TOP6BL: variants seen among roughly 807,000 people sequenced by gnomAD.
The protein encoded by TOP6BL is TOP6B like initiator of meiotic double strand breaks.
chr11:66,774,834 CT>C, the TOP6BL span, among the ~76,000 whole-genome samples: 1 of 151,130 alleles, frequency 6.6e-6, no homozygotes, highest in Admixed American at 6.6e-5. Context: ...AAGTTCCAGG[CT>C]GGACATGGTG....
At chr11:66,756,289 A>C in the TOP6BL span, 6 of 1,123,430 alleles carry the variant, frequency 5.3e-6, no homozygotes, top group Non-Finnish European at 6.6e-6. Flanking sequence ...TGGACTATGA[A>C]ACATACTGTT....
At chr11:66,809,320 G>A in the TOP6BL span, among the ~76,000 whole-genome samples, 30 of 152,266 alleles carry the variant, frequency 2.0e-4, no homozygotes, top group Admixed American at 3.3e-4. Context: ...CCAACAGAAG[G>A]TGTTAGACTA....
chr11:66,801,555 G>A, the TOP6BL span, among the ~76,000 whole-genome samples: 1 of 152,146 alleles, frequency 6.6e-6, no homozygotes, highest in Non-Finnish European at 1.5e-5. Context: ...AGTAAATCTG[G>A]CCAGGCGCAG....
the TOP6BL span, chr11:66,795,927 A>G: frequency 6.0e-6 from 1 of 167,662 alleles, no homozygotes; most frequent in African/African-American, 2.4e-5. Context: ...CATAACTCAG[A>G]TTCTTAATAC....
the TOP6BL span, among the ~76,000 whole-genome samples, chr11:66,822,365 T>C: frequency 6.6e-6 from 1 of 152,194 alleles, no homozygotes; most frequent in East Asian, 1.9e-4. Flanking sequence ...CTCTGTGAAA[T>C]GCAAGAACAT....
chr11:66,790,398 A>G, the TOP6BL span, among the ~76,000 whole-genome samples: 1 of 152,206 alleles, frequency 6.6e-6, no homozygotes, highest in Non-Finnish European at 1.5e-5. Flanking sequence ...CCTGAATGCT[A>G]TGTTAGCATG....
At chr11:66,761,625 C>T in the TOP6BL span, 1 of 1,212,530 alleles carries the variant, frequency 8.2e-7, no homozygotes, top group Non-Finnish European at 1.1e-6. Flanking sequence ...GTAATGTACG[C>T]CTGGTGCTCC....
chr11:66,752,133 CCT>C, the TOP6BL span, among the ~76,000 whole-genome samples: 2 of 150,858 alleles, frequency 1.3e-5, no homozygotes, highest in South Asian at 2.1e-4. Flanking sequence ...TTCCTGAATC[CCT>C]CTCTCTCTTT....
At chr11:66,757,007 G>A in the TOP6BL span, among the ~76,000 whole-genome samples, 4 of 150,008 alleles carry the variant, frequency 2.7e-5, no homozygotes, top group Non-Finnish European at 4.4e-5. Flanking sequence ...CACCATGCCT[G>A]GCCATAAGAT....
At chr11:66,756,091 G>GT in the TOP6BL span, among the ~76,000 whole-genome samples, 1 of 152,134 alleles carries the variant, frequency 6.6e-6, no homozygotes, top group African/African-American at 2.4e-5. Context: ...GAGATAATTA[G>GT]TTTTTTCCAT....
chr11:66,796,357 A>T, the TOP6BL span: 3 of 1,606,154 alleles, frequency 1.9e-6, no homozygotes, highest in Non-Finnish European at 2.6e-6. Flanking sequence ...ATCATGGTGC[A>T]CCCTAAGGTA....
chr11:66,816,247 A>G, the TOP6BL span: 2 of 1,554,378 alleles, frequency 1.3e-6, no homozygotes, highest in Non-Finnish European at 1.7e-6. Context: ...CCAAATGCTA[A>G]GAGAGAGGGA....
the TOP6BL span, among the ~76,000 whole-genome samples, chr11:66,776,886 C>CA: frequency 6.6e-6 from 1 of 151,810 alleles, no homozygotes; most frequent in Admixed American, 6.6e-5. Context: ...CCAGTCTCTA[C>CA]AAAAAAATAC....
chr11:66,773,295 C>A, the TOP6BL span, among the ~76,000 whole-genome samples: 432 of 152,046 alleles, frequency 2.8e-3, no homozygotes, highest in Non-Finnish European at 5.2e-3. Flanking sequence ...CTCAAGCGAT[C>A]CTCTTGCCTC....
At chr11:66,838,446 G>C in the TOP6BL span, 1 of 1,613,550 alleles carries the variant, frequency 6.2e-7, no homozygotes, top group Non-Finnish European at 8.5e-7. Flanking sequence ...CTCCTAGCAG[G>C]TAAGGTTTTA....
chr11:66,818,044 T>C, the TOP6BL span, among the ~76,000 whole-genome samples: 2 of 152,154 alleles, frequency 1.3e-5, no homozygotes, highest in African/African-American at 4.8e-5. Flanking sequence ...CTTTTGGTGC[T>C]TCTGATATGT....
At chr11:66,833,082 C>G in the TOP6BL span, among the ~76,000 whole-genome samples, 2 of 126,096 alleles carry the variant, frequency 1.6e-5, no homozygotes, top group Admixed American at 9.9e-5. Flanking sequence ...GAGTCTTGCT[C>G]TGTCGCCCAG....
the TOP6BL span, chr11:66,745,018 A>G: frequency 4.3e-6 from 5 of 1,172,334 alleles, no homozygotes; most frequent in South Asian, 4.4e-5. Flanking sequence ...GGCGTCGCCT[A>G]AGGTGAAGGA....
At chr11:66,806,041 C>T in the TOP6BL span, among the ~76,000 whole-genome samples, 1 of 152,132 alleles carries the variant, frequency 6.6e-6, no homozygotes, top group African/African-American at 2.4e-5. Flanking sequence ...TCAAGACATC[C>T]TTTGAACATA....
Sources: allele counts gnomAD v4.1 joint callset (sites outside exome capture counted in the v4.1 genomes callset), GRCh38; gene constraint gnomAD v4.1.1; transcripts MANE v1.5; gene names NCBI Gene and HGNC (gene_info 2026-07-23, HGNC 2026-07-21).